Variants in PARVB observed in about 807,000 individuals in gnomAD.
PARVB encodes beta-parvin.
PARVB carries 46 observed loss-of-function variants against 47.0 expected under a neutral mutation model. The observed-to-expected ratio is 0.98, with a 90% CI of 0.77 to 1.25. The LOEUF is 1.25. Ranked by LOEUF, PARVB falls within the 50% of genes most tolerant of loss-of-function variation. The pLI, the probability that PARVB is intolerant of heterozygous loss-of-function variation, is 0.00. For missense variants in PARVB, 473 were observed against 471.6 expected, an observed-to-expected ratio of 1.00 and a Z score of -0.03; for synonymous variants, 196 against 196.3, an observed-to-expected ratio of 1.00 and a Z score of 0.01.
intron 5 of PARVB, 27 bp from the exon 6 acceptor site, chr22:44,132,867 C>A: frequency 6.6e-7 from 1 of 1,508,956 alleles, no homozygotes. Context: ...TGATCTAAAG[C>A]GTCTCCCTTC....
intron 5 of PARVB, among the ~76,000 whole-genome samples, chr22:44,131,914 T>C (rs1465632263): frequency 6.6e-6 from 1 of 152,086 alleles, no homozygotes; most frequent in African/African-American, 2.4e-5. Context: ...AGAGGGACTT[T>C]GAGAGAGAGA....
At chr22:44,105,493 C>A (rs556289030) in intron 3 of PARVB, 2 of 152,422 alleles carry the variant, frequency 1.3e-5, no homozygotes, top group African/African-American at 4.8e-5. Flanking sequence ...CCCTGTCACT[C>A]CATCACTCTC....
chr22:44,074,911 G>A (rs1184626445), intron 1 of PARVB, among the ~76,000 whole-genome samples: 1 of 152,198 alleles, frequency 6.6e-6, no homozygotes, highest in Non-Finnish European at 1.5e-5. Flanking sequence ...AGCCCAGTGG[G>A]CTCTGGGAGC....
At chr22:44,160,762 C>T (rs958682264) in intron 11 of PARVB, among the ~76,000 whole-genome samples, 8 of 152,176 alleles carry the variant, frequency 5.3e-5, no homozygotes, top group East Asian at 1.9e-4. Context: ...ACTGTGGGGC[C>T]GAGCGGCTGC....
At chr22:44,151,449 T>C in intron 9 of PARVB, 34 bp from the exon 10 acceptor site, 1 of 1,580,318 alleles carries the variant, frequency 6.3e-7, no homozygotes, top group Non-Finnish European at 8.7e-7. Flanking sequence ...ATGCGGGCCA[T>C]TCATGGCTCC....
chr22:44,031,366 T>C (rs1036332701), intron 1 of PARVB: 2 of 152,232 alleles, frequency 1.3e-5, no homozygotes, highest in African/African-American at 2.4e-5. Flanking sequence ...ACATTTCTCA[T>C]TGTGTGTTCC....
chr22:44,064,676 CAAACAA>C (rs774138061), intron 1 of PARVB, among the ~76,000 whole-genome samples: 25 of 151,810 alleles, frequency 1.6e-4, no homozygotes, highest in African/African-American at 3.6e-4. Context: ...CCTGTCTCTA[CAAACAA>C]AAACAAAAAC....
intron 6 of PARVB, among the ~76,000 whole-genome samples, chr22:44,135,518 A>G (rs1008844947): frequency 6.6e-6 from 1 of 152,040 alleles, no homozygotes; most frequent in Non-Finnish European, 1.5e-5. Flanking sequence ...TGGCCTCCCA[A>G]AGTGCTGGGA....
intron 3 of PARVB, among the ~76,000 whole-genome samples, chr22:44,102,030 T>C (rs1376716555): frequency 6.6e-6 from 1 of 152,186 alleles, no homozygotes; most frequent in Non-Finnish European, 1.5e-5. Context: ...TTTATTATGA[T>C]ATTGGCTCAC....
intron 6 of PARVB, among the ~76,000 whole-genome samples, chr22:44,134,016 T>A (rs1260402125): frequency 2.0e-5 from 3 of 152,142 alleles, no homozygotes; most frequent in African/African-American, 7.2e-5. Context: ...AGAGTTGAGG[T>A]CACGCTCGGA....
chr22:44,019,067 C>A (rs1195317841), intron 2 of PARVB, among the ~76,000 whole-genome samples: 4 of 150,272 alleles, frequency 2.7e-5, no homozygotes, highest in African/African-American at 9.8e-5. Context: ...TAGGCGCCTG[C>A]CACCATACCT....
At chr22:44,069,589 C>T (rs1357899467) in intron 1 of PARVB, among the ~76,000 whole-genome samples, 5 of 151,960 alleles carry the variant, frequency 3.3e-5, no homozygotes, top group East Asian at 1.9e-4. Context: ...AGTGCAATGG[C>T]GCGATCTTGG....
chr22:44,040,420 A>T (rs529786574), intron 1 of PARVB, among the ~76,000 whole-genome samples: 1 of 152,324 alleles, frequency 6.6e-6, no homozygotes, highest in East Asian at 1.9e-4. Flanking sequence ...GGTGTGATTA[A>T]GTTAAGAACC....
intron 1 of PARVB, among the ~76,000 whole-genome samples, chr22:44,077,737 C>CT (rs372922492): frequency 2.2e-4 from 33 of 151,626 alleles, no homozygotes; most frequent in Middle Eastern, 6.8e-3. Flanking sequence ...GATAGTTACT[C>CT]TTTTTTTTTC....
chr22:44,131,461 C>T, intron 4 of PARVB, 26 bp from the exon 5 acceptor site: 1 of 1,610,574 alleles, frequency 6.2e-7, no homozygotes, highest in Non-Finnish European at 8.5e-7. Flanking sequence ...TTTTCTGACC[C>T]TCTTCTCTTG....
chr22:44,117,279 A>C (rs1480900727), intron 3 of PARVB, among the ~76,000 whole-genome samples: 1 of 151,436 alleles, frequency 6.6e-6, no homozygotes, highest in South Asian at 2.1e-4. Context: ...GCCCTCAGGC[A>C]TGCATCATGT....
rs183292571 is a variant in PARVB, at chr22:44,057,550, C to T, written c.112+33099C>T. Among the ~76,000 whole-genome samples the T allele has an allele frequency of 2.0e-3, 299 of 151,666 alleles. 1 individual carries two copies. The highest frequency in any genetic ancestry group is 0.014 in the Middle Eastern group (4 of 294). On this transcript the variant is annotated intron_variant, in intron 1 of 12. Coordinates refer to ENST00000338758, the MANE Select transcript of PARVB (RefSeq NM_013327.5). ...GGTGGTTTTGGAGCCTGAGTTTATC[C>T]GCACTCTGGGTGGACTGGGTCTCGG...
chr22:44,104,940 G>C (rs919159136), intron 3 of PARVB: 1 of 152,278 alleles, frequency 6.6e-6, no homozygotes, highest in Non-Finnish European at 1.5e-5. Context: ...GATGGTGAAG[G>C]GATACACATG....
intron 11 of PARVB, among the ~76,000 whole-genome samples, chr22:44,159,584 G>A (rs111870772): frequency 0.016 from 2,512 of 152,300 alleles, 31 homozygotes; most frequent in Non-Finnish European, 0.027. Flanking sequence ...GTGGCTCTGC[G>A]GGTGGCTGGA....
Sources: allele counts gnomAD v4.1 joint callset (sites outside exome capture counted in the v4.1 genomes callset), GRCh38; gene constraint gnomAD v4.1.1; transcripts MANE v1.5; gene names NCBI Gene and HGNC (gene_info 2026-07-23, HGNC 2026-07-21).